The following STAU2 variants were observed in gnomAD, a reference collection of about 807,000 sequenced individuals.
STAU2 encodes staufen double-stranded RNA binding protein 2, also known as double-stranded RNA-binding protein Staufen homolog 2.
In STAU2, 20 loss-of-function variants were observed where a neutral mutation model predicts 65.9. The ratio of observed to expected loss-of-function variants is 0.30; its 90% CI spans 0.21 to 0.44. The LOEUF is 0.44. Ranked by LOEUF, STAU2 falls within the 20% of genes least tolerant of loss-of-function variation. The pLI, the probability that STAU2 is intolerant of heterozygous loss-of-function variation, is 1.00. For missense variants in STAU2, 558 were observed against 683.9 expected, an observed-to-expected ratio of 0.82 and a Z score of 2.05; for synonymous variants, 232 against 233.9, an observed-to-expected ratio of 0.99 and a Z score of 0.07.
chr8:73,632,263 T>TAA (rs567857428), intron 6 of STAU2, among the ~76,000 whole-genome samples: 5 of 143,046 alleles, frequency 3.5e-5, no homozygotes, highest in East Asian at 2.0e-4. Context: ...TTCAGTACAT[T>TAA]AAAAAAAAAA....
intron 13 of STAU2, among the ~76,000 whole-genome samples, chr8:73,516,848 A>G (rs4266642): frequency 0.99 from 150,867 of 152,306 alleles, 74,720 homozygotes; most frequent in Middle Eastern, 1. Flanking sequence ...TCCATTGATC[A>G]TCACTTTAAA....
At chr8:73,528,747 A>G (rs1307994444) in intron 13 of STAU2, among the ~76,000 whole-genome samples, 1 of 152,168 alleles carries the variant, frequency 6.6e-6, no homozygotes, top group East Asian at 1.9e-4. Context: ...TGAGGAAGAA[A>G]ATTAAAACAC....
In STAU2 at chr8:73,545,795, C is replaced by G. The variant is rs567998272; in HGVS notation, c.1530+6217G>C. 1.4e-3 allele frequency among the ~76,000 whole-genome samples: 214 copies of G among 152,136 alleles called. 1 individual carries two copies. Among genetic ancestry groups the G allele is most frequent in the Middle Eastern group, 3.4e-3 (1 of 294 alleles). On this transcript the variant is annotated intron_variant, in intron 13 of 14. Transcript: ENST00000524300. ...CCCTAGTAGCTGGGACTCCAGGCGC[C>G]CGCCACCATGCCTGGCTAATTTTTT...
intron 13 of STAU2, among the ~76,000 whole-genome samples, chr8:73,427,738 T>C (rs1266940769): frequency 6.6e-6 from 1 of 152,264 alleles, no homozygotes; most frequent in East Asian, 1.9e-4. Flanking sequence ...GACCAATCCA[T>C]GCCAGACCTT....
intron 13 of STAU2, among the ~76,000 whole-genome samples, chr8:73,542,869 G>GA (rs1189848530): frequency 7.9e-5 from 12 of 152,122 alleles, no homozygotes; most frequent in African/African-American, 2.9e-4. Flanking sequence ...AATAGAATCT[G>GA]AAAGTTTCTT....
chr8:73,490,738 T>C (rs1821117689), intron 13 of STAU2, among the ~76,000 whole-genome samples: 1 of 152,034 alleles, frequency 6.6e-6, no homozygotes, highest in South Asian at 2.1e-4. Flanking sequence ...CATTACTTTA[T>C]CCTGTTAAAT....
chr8:73,498,076 C>T (rs1821528647), intron 13 of STAU2, among the ~76,000 whole-genome samples: 1 of 151,766 alleles, frequency 6.6e-6, no homozygotes, highest in Non-Finnish European at 1.5e-5. Context: ...AAATCATGTC[C>T]GTTGAAGTTA....
intron 6 of STAU2, chr8:73,669,224 C>T: frequency 1.6e-6 from 1 of 615,296 alleles, no homozygotes; most frequent in Non-Finnish European, 2.9e-6. Flanking sequence ...GGCTTGGTAG[C>T]TTACTAGTAC....
intron 13 of STAU2, among the ~76,000 whole-genome samples, chr8:73,448,524 C>T (rs1047954633): frequency 2.0e-5 from 3 of 152,122 alleles, no homozygotes; most frequent in Admixed American, 6.5e-5. Flanking sequence ...TTCAGGCAAT[C>T]AGCCCGCCTC....
Position 73,595,203 on chromosome 8 carries a change from T to A in STAU2, c.1124A>T (p.Tyr375Phe). The A allele has an allele frequency of 6.2e-7, 1 of 1,610,674 alleles. No individual in the cohort carries two copies. The highest frequency in any genetic ancestry group is 1.1e-5 in the South Asian group (1 of 90,438). The change falls in exon 11 of 15, where the codon TAT becomes TTT. Residue 375 changes from tyrosine (Y) to phenylalanine (F), a missense_variant. By Grantham distance (22) the Tyr-to-Phe change is conservative. This residue lies in a region of STAU2 where 247 missense variants were observed against 270.1 expected (regional missense o/e 0.91). Coordinates refer to ENST00000524300, the MANE Select transcript of STAU2 (RefSeq NM_001164380.2). Reference protein sequence around the residue: ...AAEAMLLQLGYKASTNLQDQL... With the variant: ...AAEAMLLQLGFKASTNLQDQL... ...ATCCTGAAGATTAGTGGATGCTTTA[T>A]AACCAAGTTGTAACAGCATTGCTTC...
chr8:73,636,756 AG>A (rs957336380), intron 6 of STAU2, among the ~76,000 whole-genome samples: 4 of 151,518 alleles, frequency 2.6e-5, no homozygotes, highest in African/African-American at 9.7e-5. Flanking sequence ...CCAGCTACTC[AG>A]GAGGCTGAGG....
intron 6 of STAU2, among the ~76,000 whole-genome samples, chr8:73,654,660 A>AAAAAAAAAAAAAAAAAAAAAAAAAT (rs1176341683): frequency 7.1e-6 from 1 of 141,470 alleles, no homozygotes; most frequent in Non-Finnish European, 1.5e-5. Context: ...AAAAAAAAAA[A>AAAAAAAAAAAAAAAAAAAAAAAAAT]AGAACTCTTT....
intron 13 of STAU2, among the ~76,000 whole-genome samples, chr8:73,541,715 A>C (rs1806557021): frequency 6.6e-6 from 1 of 152,186 alleles, no homozygotes; most frequent in Non-Finnish European, 1.5e-5. Flanking sequence ...CAGTAACTAT[A>C]CAGATATGGA....
chr8:73,424,411 G>A (rs1170364177), intron 13 of STAU2, among the ~76,000 whole-genome samples: 1 of 152,006 alleles, frequency 6.6e-6, no homozygotes, highest in Non-Finnish European at 1.5e-5. Context: ...ATGTTGGCCA[G>A]GCTGGTCTCG....
At chr8:73,582,469 AT>A (rs1256733854) in intron 12 of STAU2, among the ~76,000 whole-genome samples, 2 of 150,592 alleles carry the variant, frequency 1.3e-5, no homozygotes, top group Non-Finnish European at 1.5e-5. Flanking sequence ...TATTTTTTAT[AT>A]TTTTATATTT....
chr8:73,649,037 C>T (rs1370048422), intron 6 of STAU2, among the ~76,000 whole-genome samples: 1 of 152,170 alleles, frequency 6.6e-6, no homozygotes, highest in East Asian at 1.9e-4. Flanking sequence ...AACTCCTGGC[C>T]TCAAGCAATC....
At chr8:73,532,192 AC>A (rs937254281) in intron 13 of STAU2, among the ~76,000 whole-genome samples, 7 of 152,308 alleles carry the variant, frequency 4.6e-5, no homozygotes, top group African/African-American at 1.7e-4. Context: ...CTAAGTTCCA[AC>A]CTGACTCTAA....
At chr8:73,664,692 G>T (rs1194954260) in intron 6 of STAU2, among the ~76,000 whole-genome samples, 1 of 152,020 alleles carries the variant, frequency 6.6e-6, no homozygotes, top group Non-Finnish European at 1.5e-5. Context: ...CTGATATTTT[G>T]TTAAGAATTT....
intron 12 of STAU2, among the ~76,000 whole-genome samples, chr8:73,574,757 T>C (rs1389943869): frequency 6.6e-6 from 1 of 151,948 alleles, no homozygotes; most frequent in African/African-American, 2.4e-5. Context: ...GGGCCTGTCA[T>C]GGGGTAGGGG....
Sources: allele counts gnomAD v4.1 joint callset (sites outside exome capture counted in the v4.1 genomes callset), GRCh38; gene constraint gnomAD v4.1.1; regional missense constraint gnomAD v4.1.1; transcripts MANE v1.5; gene names NCBI Gene and HGNC (gene_info 2026-07-23, HGNC 2026-07-21).